LMF1: variants seen among roughly 807,000 people sequenced by gnomAD.
The protein encoded by LMF1 is lipase maturation factor 1, also known as transmembrane protein 112.
A neutral mutation model predicts 60.6 loss-of-function variants in LMF1; 68 were observed. The ratio of observed to expected loss-of-function variants is 1.12; its 90% CI spans 0.92 to 1.37. The LOEUF is 1.37. LMF1 is among the 40% of genes most tolerant of loss of function. LMF1 has a pLI of 0.00. For missense variants in LMF1, 948 were observed against 767.2 expected, an observed-to-expected ratio of 1.24 and a Z score of -2.78; for synonymous variants, 418 against 324.7, an observed-to-expected ratio of 1.29 and a Z score of -3.09.
In LMF1 at chr16:876,953, T is replaced by C. The variant is rs371289960; in HGVS notation, c.897+2617A>G. On this transcript the variant is annotated intron_variant, in intron 6 of 10. Transcript: ENST00000262301. ...ACGTCCAAATATGTCAGTTGAGATA[T>C]ACGGGCCTGTTACTTAAAAGAGAAA... 1.5e-3 allele frequency among the ~76,000 whole-genome samples: 227 copies of C among 152,298 alleles called. 6 individuals carry two copies. In the South Asian group the frequency reaches 0.045, roughly 30 times the overall value.
At chr16:905,376 G>A (rs1596963094) in intron 4 of LMF1, among the ~76,000 whole-genome samples, 1 of 151,930 alleles carries the variant, frequency 6.6e-6, no homozygotes, top group Non-Finnish European at 1.5e-5. Flanking sequence ...CTGCCCACAG[G>A]ACGCCCGTCT....
At chr16:911,465 T>G (rs2071110214) in intron 3 of LMF1, among the ~76,000 whole-genome samples, 1 of 151,384 alleles carries the variant, frequency 6.6e-6, no homozygotes, top group Non-Finnish European at 1.5e-5. Context: ...TAGGTTTGCA[T>G]GAAAACAGCT....
At chr16:969,186 G>C (rs191048658) in intron 1 of LMF1, among the ~76,000 whole-genome samples, 4 of 152,050 alleles carry the variant, frequency 2.6e-5, no homozygotes, top group Non-Finnish European at 4.4e-5. Flanking sequence ...ATGGTGGTGC[G>C]TGCCTATAAT....
At position 952,863 on chromosome 16, in the gene LMF1, A is replaced by C. The variant is rs75397517; in HGVS notation, c.503+1494T>G. Among the ~76,000 whole-genome samples the C allele has an allele frequency of 9.9e-3, 638 of 64,206 alleles. 3 individuals are homozygous for C. The highest frequency in any genetic ancestry group is 0.018 in the South Asian group (27 of 1,536). The allele number at this position is 64,206 out of a possible 152,430, so 42.1% of individuals were successfully genotyped here. On this transcript the variant is annotated intron_variant, in intron 2 of 10. Coordinates refer to ENST00000262301, the MANE Select transcript of LMF1 (RefSeq NM_022773.4). The stretch of plus-strand genomic sequence containing the variant: ...CACGTCCACACAGACACCCACCCCA[A>C]ACCAGCCTCCTACACATCCACACAG...
intron 4 of LMF1, among the ~76,000 whole-genome samples, chr16:895,125 G>A (rs577493122): frequency 8.5e-4 from 129 of 152,314 alleles, no homozygotes; most frequent in African/African-American, 2.7e-3. Flanking sequence ...GTCCCACTGC[G>A]GGAGACTGGC....
upstream of LMF1, chr16:981,613 C>T (rs1212103422): frequency 2.5e-5 from 2 of 81,370 alleles, no homozygotes; most frequent in African/African-American, 4.8e-5. Flanking sequence ...CAGGCGGGGG[C>T]GCGGCGAGAG....
intron 4 of LMF1, among the ~76,000 whole-genome samples, chr16:896,523 T>C (rs1048339940): frequency 6.6e-6 from 1 of 152,226 alleles, no homozygotes; most frequent in Non-Finnish European, 1.5e-5. Context: ...CACCGGAGAC[T>C]GTTTCCCGCT....
chr16:909,322 G>C (rs1344549945), intron 4 of LMF1, among the ~76,000 whole-genome samples: 1 of 152,130 alleles, frequency 6.6e-6, no homozygotes, highest in Admixed American at 6.6e-5. Context: ...ATGGAAAGAA[G>C]AGCTATGCCC....
chr16:871,977 A>G (rs1295275230), intron 6 of LMF1: 1 of 152,364 alleles, frequency 6.6e-6, no homozygotes, highest in Non-Finnish European at 1.5e-5. Flanking sequence ...AGCAGTGAGT[A>G]AACCTGCGGC....
intron 4 of LMF1, among the ~76,000 whole-genome samples, chr16:910,568 C>T (rs2071082061): frequency 6.6e-6 from 1 of 152,112 alleles, no homozygotes; most frequent in South Asian, 2.1e-4. Context: ...TAAAAACGAG[C>T]TCTGAAATAT....
chr16:956,371 G>C (rs8062800), intron 1 of LMF1, among the ~76,000 whole-genome samples: 73,508 of 150,266 alleles, frequency 0.49, 20,097 homozygotes, highest in African/African-American at 0.74. Context: ...GGTGAGAGAA[G>C]CACATTCCCA....
At chr16:895,383 T>G (rs2070634387) in intron 4 of LMF1, among the ~76,000 whole-genome samples, 1 of 152,142 alleles carries the variant, frequency 6.6e-6, no homozygotes, top group Non-Finnish European at 1.5e-5. Context: ...GGCCAGTGTT[T>G]GGTGATGGAC....
rs538611980 is a variant in LMF1, at chr16:954,994, A to G, written c.194-328T>C. On this transcript the variant is annotated intron_variant, in intron 1 of 10. Transcript: ENST00000262301. Reference sequence around the variant, plus strand: ...CATATCTAAGTGAACCAGACACGTTACATAAAATGCGTGCCTGCAGCAGAT... The same window carrying G: ...CATATCTAAGTGAACCAGACACGTTGCATAAAATGCGTGCCTGCAGCAGAT... Among the ~76,000 whole-genome samples the G allele has an allele frequency of 7.9e-5, 12 of 151,948 alleles. No homozygotes were observed. The East Asian group carries it at 2.3e-3, about 30-fold the overall frequency.
At chr16:965,714 G>A (rs1381431655) in intron 1 of LMF1, among the ~76,000 whole-genome samples, 1 of 152,184 alleles carries the variant, frequency 6.6e-6, no homozygotes, top group African/African-American at 2.4e-5. Context: ...AGCCCAGGAA[G>A]TATGAACACA....
chr16:916,082 G>A (rs566289300), intron 3 of LMF1, among the ~76,000 whole-genome samples: 2 of 152,324 alleles, frequency 1.3e-5, no homozygotes, highest in African/African-American at 4.8e-5. Flanking sequence ...TGTGGGCTGA[G>A]CCGCCTCTGA....
chr16:938,322 TGGTGGCTCGCGGGGAC>T (rs1244219696), intron 2 of LMF1, among the ~76,000 whole-genome samples: 29 of 109,870 alleles, frequency 2.6e-4, no homozygotes, highest in Non-Finnish European at 7.0e-5. Flanking sequence ...CAGGGCTGGA[TGGTGGCTCGCGGGGAC>T]AGCAGGGACG....
intron 1 of LMF1, among the ~76,000 whole-genome samples, chr16:978,205 C>T (rs2073229241): frequency 6.6e-6 from 1 of 151,006 alleles, no homozygotes; most frequent in Admixed American, 6.6e-5. Context: ...ACATCACACA[C>T]ATCATACACA....
At chr16:922,061 A>G (rs2071446685) in intron 3 of LMF1, among the ~76,000 whole-genome samples, 1 of 152,130 alleles carries the variant, frequency 6.6e-6, no homozygotes, top group South Asian at 2.1e-4. Context: ...GCAGCTGTTT[A>G]TCCCAGATGA....
chr16:871,283 C>G lies in LMF1; in HGVS notation c.956G>C (p.Ser319Thr), dbSNP rs775541555. 3.1e-6 allele frequency: 5 copies of G among 1,612,592 alleles called. No individual in the cohort carries two copies. The highest frequency in any genetic ancestry group is 4.2e-6 in the Non-Finnish European group (5 of 1,179,816). ...SFLNWLTMVP[S>T]LACFDDATLG... is the part of the protein sequence containing the mutation. ...GGTGGCGTCATCAAAGCAGGCCAGG[C>G]TGGGCACCATAGTCAGCCAGTTCAG... Residue 319 changes from serine (S) to threonine (T), a missense_variant, in exon 7 of 11, where the codon AGC becomes ACC. Physicochemically the swap from Ser to Thr is moderately conservative, Grantham distance 58 (BLOSUM62 1). Transcript: ENST00000262301.
Sources: allele counts gnomAD v4.1 joint callset (sites outside exome capture counted in the v4.1 genomes callset), GRCh38; gene constraint gnomAD v4.1.1; transcripts MANE v1.5; gene names NCBI Gene and HGNC (gene_info 2026-07-23, HGNC 2026-07-21).